Variants in IFI16 observed in about 807,000 individuals in gnomAD.
The protein encoded by IFI16 is gamma-interferon-inducible protein 16.
IFI16 carries 49 observed loss-of-function variants against 68.4 expected under a neutral mutation model. The observed-to-expected ratio is 0.72, with a 90% CI of 0.57 to 0.91. The LOEUF (loss-of-function observed/expected upper bound fraction) is 0.91, where lower values mean the gene tolerates loss of function less well. Ranked by LOEUF, IFI16 falls within the 40% of genes least tolerant of loss-of-function variation. IFI16 has a pLI of 0.00. For synonymous variants in IFI16, 307 were observed against 315.0 expected (o/e 0.97, Z 0.27); for missense variants, 878 against 942.9 (o/e 0.93, Z 0.90).
intron 6 of IFI16, 52 bp from the exon 7 acceptor site, chr1:159,032,472 T>C (rs1654055517): frequency 2.7e-6 from 3 of 1,114,282 alleles, no homozygotes; most frequent in Non-Finnish European, 3.8e-6. Flanking sequence ...TGAAAAGATG[T>C]TGTGCTTCCT....
chr1:159,031,714 G>A (rs856053), intron 6 of IFI16, among the ~76,000 whole-genome samples: 106,748 of 151,998 alleles, frequency 0.7, 40,216 homozygotes, highest in Admixed American at 0.84. Context: ...TGCAGCAGCA[G>A]TCCGCTTTTT....
intron 7 of IFI16, among the ~76,000 whole-genome samples, chr1:159,044,841 A>C (rs1046195301): frequency 1.3e-5 from 2 of 152,140 alleles, no homozygotes; most frequent in African/African-American, 4.8e-5. Context: ...GGCTATGATC[A>C]GAGATCCCTA....
chr1:159,017,716 T>C (rs1400446524), intron 4 of IFI16, among the ~76,000 whole-genome samples: 1 of 152,162 alleles, frequency 6.6e-6, no homozygotes, highest in African/African-American at 2.4e-5. Flanking sequence ...CAAGTGATTC[T>C]CCTGCCTCAG....
At chr1:159,005,724 G>C (rs1296004276), upstream of IFI16, among the ~76,000 whole-genome samples, 24 of 152,186 alleles carry the variant, frequency 1.6e-4, no homozygotes, top group Admixed American at 1.6e-3. Flanking sequence ...AGCTTAAATT[G>C]AATTGTAGGA....
At chr1:159,015,288 ATGTATC>A (rs1652849704) in intron 2 of IFI16, among the ~76,000 whole-genome samples, 1 of 152,236 alleles carries the variant, frequency 6.6e-6, no homozygotes, top group African/African-American at 2.4e-5. Context: ...TAGCCAATGA[ATGTATC>A]TGTTCTATTG....
upstream of IFI16, among the ~76,000 whole-genome samples, chr1:159,006,260 C>A (rs1440389646): frequency 6.6e-6 from 1 of 152,152 alleles, no homozygotes; most frequent in Non-Finnish European, 1.5e-5. Context: ...GCTTGATTAA[C>A]TTTTATACCT....
At position 159,053,700 on chromosome 1, in the gene IFI16, A is replaced by T. The variant is rs1655502132; in HGVS notation, c.2253A>T (p.Arg751Ser). 1.9e-6 allele frequency: 3 copies of T among 1,613,644 alleles called. No individual in the cohort carries two copies. Among genetic ancestry groups the T allele is most frequent in the South Asian group, 2.2e-5 (2 of 91,064 alleles). The change falls in exon 11 of 12, where the codon AGA (arginine) becomes AGT (serine). Residue 751 changes from arginine (R) to serine (S), a missense_variant. Physicochemically the swap from Arg to Ser is moderately radical, Grantham distance 110. Coordinates refer to ENST00000295809, the MANE Select transcript of IFI16 (RefSeq NM_001376587.1). Reference protein sequence around the residue: ...APKSGNTGELRSVIHSHIKVI... With the variant: ...APKSGNTGELSSVIHSHIKVI... ...AAAGTGGGAATACCGGGGAGTTGAG[A>T]TCTGTAATTCATAGTCACATCAAGG...
rs1653079857 is a variant in IFI16, at chr1:159,018,417, C to T, written c.738C>T (p.Asn246=). The change falls in exon 5 of 12, where the codon AAC becomes AAT. Residue 246 remains asparagine, a synonymous_variant. Transcript: ENST00000295809. ...QTQFFHVKVL[N]TSLKEKFNGK... ...AGTTCTTCCATGTGAAGGTTTTAAACACCAGCTTGAAGGAGAAATTCAATG... is the reference window on the plus strand; with the variant it reads ...AGTTCTTCCATGTGAAGGTTTTAAATACCAGCTTGAAGGAGAAATTCAATG... The T allele has an allele frequency of 1.2e-6, 2 of 1,613,874 alleles. No homozygotes were observed. Among genetic ancestry groups the T allele is most frequent in the Non-Finnish European group, 1.7e-6 (2 of 1,179,738 alleles).
intron 7 of IFI16, among the ~76,000 whole-genome samples, chr1:159,037,072 A>T (rs1654368554): frequency 6.6e-6 from 1 of 152,216 alleles, no homozygotes; most frequent in Non-Finnish European, 1.5e-5. Context: ...TAGTGAAGTC[A>T]TTATCTGCTC....
intron 7 of IFI16, among the ~76,000 whole-genome samples, chr1:159,036,208 G>A (rs1654323184): frequency 6.6e-6 from 1 of 152,130 alleles, no homozygotes; most frequent in South Asian, 2.1e-4. Flanking sequence ...TATGTATATT[G>A]TTGCATTCTT....
intron 10 of IFI16, chr1:159,052,765 A>G (rs1423715817): frequency 6.6e-6 from 1 of 152,078 alleles, no homozygotes; most frequent in Non-Finnish European, 1.5e-5. Context: ...ATGCAAAAAA[A>G]AGAAAAAAAG....
intron 7 of IFI16, among the ~76,000 whole-genome samples, chr1:159,042,339 T>A (rs2518554): frequency 6.6e-6 from 1 of 152,184 alleles, no homozygotes; most frequent in Non-Finnish European, 1.5e-5. Flanking sequence ...ATGATTTGAA[T>A]TATGAATAGG....
chr1:159,025,793 T>A (rs7538035), intron 6 of IFI16, among the ~76,000 whole-genome samples: 1 of 152,110 alleles, frequency 6.6e-6, no homozygotes, highest in Non-Finnish European at 1.5e-5. Flanking sequence ...CTAGAATCTT[T>A]ATGGTTTCTG....
intron 8 of IFI16, among the ~76,000 whole-genome samples, chr1:159,048,501 G>A (rs1457564631): frequency 2.0e-5 from 3 of 151,378 alleles, no homozygotes; most frequent in African/African-American, 7.3e-5. Flanking sequence ...GTGTGCAAAT[G>A]TTAAACAATT....
In IFI16 at chr1:159,016,702, T is replaced by G. The variant is rs1652954377; in HGVS notation, c.549+2T>G. On this transcript the variant is annotated splice_donor_variant, in intron 4 of 11. Transcript: ENST00000295809. LOFTEE classifies it high-confidence loss of function. ...CCACCCAACAGTTCTTCAACTGAGGTACACTCTTCCTGGTCCCATTTTGCT... is the reference window on the plus strand; with the variant it reads ...CCACCCAACAGTTCTTCAACTGAGGGACACTCTTCCTGGTCCCATTTTGCT... 6.2e-7 allele frequency: 1 copy of G among 1,610,616 alleles called. No homozygotes were observed. Among genetic ancestry groups the G allele is most frequent in the African/African-American group, 1.3e-5 (1 of 74,786 alleles).
At chr1:159,016,437 T>G in intron 3 of IFI16, 96 bp from the exon 4 acceptor site, 1 of 1,159,778 alleles carries the variant, frequency 8.6e-7, no homozygotes, top group East Asian at 2.6e-5. Context: ...AAGAAACATC[T>G]TCTTAGGAAT....
At chr1:159,047,718 C>T (rs1217832064) in intron 8 of IFI16, among the ~76,000 whole-genome samples, 8 of 147,408 alleles carry the variant, frequency 5.4e-5, no homozygotes, top group Admixed American at 1.4e-4. Context: ...TGATTCGCAA[C>T]GTAAGCCGGG....
intron 6 of IFI16, among the ~76,000 whole-genome samples, chr1:159,028,513 A>C (rs533680914): frequency 6.6e-5 from 10 of 152,228 alleles, no homozygotes; most frequent in African/African-American, 1.7e-4. Flanking sequence ...ATGTTCTGTA[A>C]ATATCTGTTA....
Position 159,049,578 on chromosome 1 carries a change from A to G in IFI16, c.1644A>G (p.Pro548=). The change falls in exon 9 of 12, where the codon CCA becomes CCG. Residue 548 remains proline, a synonymous_variant. Transcript: ENST00000295809. ...PHTPQMPPST[P]SSSFLTTLKP... ...CTCCTCAGATGCCTCCATCAACACC[A>G]AGCAGCAGTTTCTTAACCACGGTAC... 1 of 1,600,794 alleles carries G rather than the reference A, an allele frequency of 6.2e-7. No homozygotes were observed.
Sources: gnomAD v4.1 joint callset for allele counts (sites outside exome capture counted in the v4.1 genomes callset) on GRCh38, gnomAD v4.1.1 for gene constraint, MANE v1.5 for transcripts, NCBI Gene and HGNC (gene_info 2026-07-23, HGNC 2026-07-21) for gene names.